LRRC49: variants seen among roughly 807,000 people sequenced by gnomAD.
The protein encoded by LRRC49 is leucine-rich repeat-containing protein 49.
In LRRC49, 50 loss-of-function variants were observed where a neutral mutation model predicts 83.3. The ratio of observed to expected loss-of-function variants is 0.60; its 90% confidence interval spans 0.48 to 0.76. The LOEUF (loss-of-function observed/expected upper bound fraction) is 0.76. Among genes scored for constraint, LRRC49 ranks in the 30% least tolerant of loss-of-function variants. The pLI, the probability that LRRC49 is intolerant of heterozygous loss-of-function variation, is 0.00. For synonymous variants in LRRC49, 286 were observed against 283.3 expected (o/e 1.01, Z -0.10); for missense variants, 704 against 809.1 (o/e 0.87, Z 1.58).
At chr15:71,013,508 A>G (rs1188318474) in intron 14 of LRRC49, among the ~76,000 whole-genome samples, 1 of 152,250 alleles carries the variant, frequency 6.6e-6, no homozygotes, top group Non-Finnish European at 1.5e-5. Context: ...TTGAGCAGGC[A>G]GAGCTTGAAG....
chr15:70,927,233 G>A (rs1261995730), intron 7 of LRRC49, among the ~76,000 whole-genome samples: 1 of 152,108 alleles, frequency 6.6e-6, no homozygotes, highest in Non-Finnish European at 1.5e-5. Flanking sequence ...GATTCTCATT[G>A]TGCTTTTAAT....
At chr15:71,002,880 C>T (rs556586771) in intron 11 of LRRC49, among the ~76,000 whole-genome samples, 5 of 148,136 alleles carry the variant, frequency 3.4e-5, no homozygotes, top group African/African-American at 1.2e-4. Context: ...TTGCATTGAG[C>T]TAGTCACCCT....
chr15:70,893,108 A>G (rs2033659155), intron 1 of LRRC49, 166 bp downstream of exon 1: 1 of 726,804 alleles, frequency 1.4e-6, no homozygotes, highest in Non-Finnish European at 2.4e-6. Context: ...GGCACAATTT[A>G]ATATTGTATG....
At chr15:71,020,540 CT>C (rs1159282814) in intron 14 of LRRC49, among the ~76,000 whole-genome samples, 1 of 152,054 alleles carries the variant, frequency 6.6e-6, no homozygotes, top group African/African-American at 2.4e-5. Context: ...CTACAGAACT[CT>C]AAATATAAGG....
At chr15:70,892,230 T>C (rs2033610380), upstream of LRRC49, 3 of 1,591,272 alleles carry the variant, frequency 1.9e-6, no homozygotes, top group Non-Finnish European at 2.6e-6. Context: ...TTCCCAGACT[T>C]GGTGGTGTTG....
At chr15:70,992,665 C>T (rs966456891) in intron 11 of LRRC49, among the ~76,000 whole-genome samples, 1 of 152,182 alleles carries the variant, frequency 6.6e-6, no homozygotes, top group Non-Finnish European at 1.5e-5. Context: ...CCTTGTTTGC[C>T]TGGGTATCAG....
chr15:70,993,759 G>A (rs1018509619), intron 11 of LRRC49, among the ~76,000 whole-genome samples: 3 of 152,058 alleles, frequency 2.0e-5, no homozygotes, highest in African/African-American at 4.8e-5. Flanking sequence ...TTATTTTTCA[G>A]TTTCAAGTTT....
At chr15:71,034,569 A>G (rs934093327) in intron 14 of LRRC49, among the ~76,000 whole-genome samples, 7 of 152,226 alleles carry the variant, frequency 4.6e-5, no homozygotes, top group African/African-American at 1.7e-4. Flanking sequence ...TTCTATTATA[A>G]CATGTACATG....
chr15:70,878,449 T>C (rs1453916177), intron 2 of LRRC49, among the ~76,000 whole-genome samples: 1 of 152,214 alleles, frequency 6.6e-6, no homozygotes, highest in East Asian at 1.9e-4. Flanking sequence ...TTCCTTTTTT[T>C]CCCCTTGCCT....
intron 9 of LRRC49, among the ~76,000 whole-genome samples, chr15:70,965,388 T>C (rs1045559335): frequency 2.6e-5 from 4 of 152,132 alleles, no homozygotes; most frequent in African/African-American, 4.8e-5. Flanking sequence ...TTACCAGTTA[T>C]ATCAATATTG....
At chr15:70,890,232 AT>A (rs1035505668), upstream of LRRC49, among the ~76,000 whole-genome samples, 3 of 152,030 alleles carry the variant, frequency 2.0e-5, no homozygotes, top group African/African-American at 7.3e-5. Flanking sequence ...CATGTTTAGT[AT>A]TTATCTCTCT....
At position 70,900,976 on chromosome 15, in the gene LRRC49, G is replaced by A. The variant is rs377602787; in HGVS notation, c.248G>A (p.Arg83His). 25 of 1,610,930 alleles carry A rather than the reference G, an allele frequency of 1.6e-5. No individual in the cohort carries two copies. The highest frequency in any genetic ancestry group is 1.7e-4 in the Middle Eastern group (1 of 6,044). ...TTGTCATCATTTCCTATTCTTCAACGTTCTTCTGAAGAGAAAATTCTTTAC... is the reference window on the plus strand; with the variant it reads ...TTGTCATCATTTCCTATTCTTCAACATTCTTCTGAAGAGAAAATTCTTTAC... ...SSLSSFPILQ[R>H]SSEEKILYSD... is the part of the protein sequence containing the mutation. The change falls in exon 4 of 16, where the codon CGT (arginine) becomes CAT (histidine). Residue 83 changes from arginine (R) to histidine (H), a missense_variant. This residue lies in a region of LRRC49 where 261 missense variants were observed against 330.5 expected (regional missense o/e 0.79). Coordinates refer to ENST00000260382, the MANE Select transcript of LRRC49 (RefSeq NM_017691.5).
chr15:70,967,152 C>T (rs1370373147), intron 9 of LRRC49, among the ~76,000 whole-genome samples: 2 of 152,064 alleles, frequency 1.3e-5, no homozygotes, highest in Non-Finnish European at 2.9e-5. Flanking sequence ...AATATAGCAG[C>T]TGACAGGAGT....
chr15:71,022,101 G>A (rs2039012740), intron 14 of LRRC49, among the ~76,000 whole-genome samples: 1 of 152,162 alleles, frequency 6.6e-6, no homozygotes, highest in African/African-American at 2.4e-5. Flanking sequence ...AGCCAGGCCT[G>A]GTGGCTCATG....
intron 9 of LRRC49, among the ~76,000 whole-genome samples, chr15:70,979,779 G>T (rs1265581947): frequency 6.6e-6 from 1 of 152,044 alleles, no homozygotes; most frequent in Non-Finnish European, 1.5e-5. Flanking sequence ...TTAAACCTAT[G>T]TGGAACCATG....
intron 15 of LRRC49, among the ~76,000 whole-genome samples, chr15:71,037,583 T>C (rs955389001): frequency 6.6e-6 from 1 of 152,016 alleles, no homozygotes; most frequent in Non-Finnish European, 1.5e-5. Flanking sequence ...AAAAGAAATC[T>C]GTACCATAAA....
upstream of LRRC49, chr15:70,892,164 C>G (rs1395109130): frequency 1.2e-6 from 2 of 1,612,056 alleles, no homozygotes; most frequent in Non-Finnish European, 1.7e-6. Flanking sequence ...CAACCCCGCA[C>G]GAAGCGGTCC....
intron 6 of LRRC49, chr15:70,918,119 G>A (rs1394881399): frequency 6.6e-6 from 1 of 152,382 alleles, no homozygotes; most frequent in African/African-American, 2.4e-5. Context: ...GAGAGCTGGT[G>A]CCTGTGCCAG....
At position 70,919,196 on chromosome 15, in the gene LRRC49, G is replaced by A; in HGVS notation, c.711+3G>A. The A allele has an allele frequency of 1.2e-6, 2 of 1,607,476 alleles. No individual in the cohort carries two copies. Among genetic ancestry groups the A allele is most frequent in the South Asian group, 1.1e-5 (1 of 89,374 alleles). On this transcript the variant is annotated splice_donor_region_variant and intron_variant, in intron 7 of 15. Transcript: ENST00000260382. ...GACACAATCAAATCACTTTCGTGGT[G>A]AGTATTAAAATGGAGTTGATATGTA...
Sources: gnomAD v4.1 joint callset for allele counts (sites outside exome capture counted in the v4.1 genomes callset) on GRCh38, gnomAD v4.1.1 for gene constraint, gnomAD v4.1.1 regional missense constraint, MANE v1.5 for transcripts, NCBI Gene and HGNC (gene_info 2026-07-23, HGNC 2026-07-21) for gene names.